BTBD2: variants seen among roughly 807,000 people sequenced by gnomAD.
The protein encoded by BTBD2 is BTB domain containing 2.
In BTBD2, 15 loss-of-function variants were observed where a neutral mutation model predicts 44.0. The ratio of observed to expected loss-of-function variants is 0.34; its 90% CI spans 0.23 to 0.53. The LOEUF (loss-of-function observed/expected upper bound fraction) is 0.53, where lower values mean the gene tolerates loss of function less well. Ranked by LOEUF, BTBD2 falls within the 20% of genes least tolerant of loss-of-function variation. The pLI is 0.95. For synonymous variants in BTBD2, 443 were observed against 335.9 expected, an observed-to-expected ratio of 1.32 and a Z score of -3.49; for missense variants, 657 against 746.4, an observed-to-expected ratio of 0.88 and a Z score of 1.39.
At chr19:1,990,682 C>T in intron 4 of BTBD2, 35 bp downstream of exon 4, 1 of 1,548,442 alleles carries the variant, frequency 6.5e-7, no homozygotes, top group East Asian at 2.4e-5. Context: ...CGAGGCCCCG[C>T]TGGGATTCCC....
At chr19:1,999,968 CAA>C (rs5826753) in intron 1 of BTBD2, among the ~76,000 whole-genome samples, 111 of 104,836 alleles carry the variant, frequency 1.1e-3, no homozygotes, top group African/African-American at 1.9e-3. Context: ...GACTCCACCT[CAA>C]AAAAAAAAAA....
chr19:1,993,036 A>G lies in BTBD2; in HGVS notation c.668T>C (p.Phe223Ser). ...LKKNLRADNAFMLLTQARLFD... is the reference protein window; with the variant it reads ...LKKNLRADNASMLLTQARLFD... ...CCCGCCCACCTGCGTGAGCAGCATG[A>G]AGGCGTTGTCGGCTCGCAGGTTCTT... The change falls in exon 3 of 9, where the codon TTC (phenylalanine) becomes TCC (serine). Residue 223 changes from phenylalanine to serine, a missense_variant. Coordinates refer to ENST00000255608, the MANE Select transcript of BTBD2 (RefSeq NM_017797.4). The G allele has an allele frequency of 1.3e-6, 2 of 1,540,110 alleles. No homozygotes were observed. The highest frequency in any genetic ancestry group is 8.8e-7 in the Non-Finnish European group (1 of 1,140,742).
At chr19:2,010,526 G>A (rs1422486515) in intron 1 of BTBD2, among the ~76,000 whole-genome samples, 1 of 152,162 alleles carries the variant, frequency 6.6e-6, no homozygotes, top group Non-Finnish European at 1.5e-5. Flanking sequence ...CCAGGGACCA[G>A]GCCCAAGCCC....
At chr19:1,989,663 G>A in intron 5 of BTBD2, 1 of 351,392 alleles carries the variant, frequency 2.8e-6, no homozygotes, top group Non-Finnish European at 5.4e-6. Context: ...GGCCATGTCA[G>A]AGCCCTCCTG....
rs753408607 is a variant in BTBD2 at position 1,993,077 on chromosome 19, G to A, written c.627C>T (p.Cys209=). The change falls in exon 3 of 9, where the codon TGC becomes TGT. Residue 209 remains cysteine, a synonymous_variant. Transcript: ENST00000255608. The part of the protein sequence containing the change: ...KYAVPALEAH[C]VEFLKKNLRA... The stretch of plus-strand genomic sequence containing the variant: ...GCAGGTTCTTCTTCAGGAACTCCAC[G>A]CAATGGGCCTCGAGCGCTGGCACCG... 4.4e-6 allele frequency: 7 copies of A among 1,594,942 alleles called. No homozygotes were observed. In the Admixed American group the frequency reaches 1.2e-4, roughly 27 times the overall value.
chr19:1,990,303 G>GCAACTATGGCCCGTGGCC, intron 4 of BTBD2, 102 bp from the exon 5 acceptor site: 1 of 1,346,162 alleles, frequency 7.4e-7, no homozygotes, highest in Non-Finnish European at 1.0e-6. Context: ...AGCCGGGCTG[G>GCAACTATGGCCCGTGGCC]CAACTATGGC....
In BTBD2 at chr19:1,986,332, A is replaced by C; in HGVS notation, c.*156T>G. 1.0e-6 allele frequency: 1 copy of C among 976,144 alleles called. No individual in the cohort carries two copies. The highest frequency in any genetic ancestry group is 1.5e-6 in the Non-Finnish European group (1 of 653,964). The allele number at this position is 976,144 out of a possible 1,614,324, so 60.5% of individuals were successfully genotyped here. ...CCACACTCGTGGTGAACACAGGGCA[A>C]CCCCGTCCTGATGCTGAGAAAGGTG... On this transcript the variant is annotated 3_prime_UTR_variant, in exon 9 of 9. Coordinates refer to ENST00000255608, the MANE Select transcript of BTBD2 (RefSeq NM_017797.4).
chr19:1,999,691 T>C (rs377054754), intron 1 of BTBD2, among the ~76,000 whole-genome samples: 2 of 148,694 alleles, frequency 1.3e-5, no homozygotes, highest in Non-Finnish European at 3.0e-5. Context: ...CCAGGTGCAG[T>C]GGCTCACGCC....
In BTBD2 at chr19:2,015,646, G is replaced by A; in HGVS notation, c.58C>T (p.Pro20Ser). 1.0e-6 allele frequency: 1 copy of A among 996,874 alleles called. No homozygotes were observed. Among genetic ancestry groups the A allele is most frequent in the Non-Finnish European group, 1.2e-6 (1 of 840,062 alleles). The allele number at this position is 996,874 out of a possible 1,614,324, so 61.8% of individuals were successfully genotyped here. Residue 20 changes from proline to serine, a missense_variant, in exon 1 of 9, where the codon CCG becomes TCG. Coordinates refer to ENST00000255608, the MANE Select transcript of BTBD2 (RefSeq NM_017797.4). ...GGCCCGGGACTGCCCCCCGTGCCCG[G>A]GCCGACCCCGACCCCCGGCGGGCAC... ...ASCPPGVGVG[P>S]GTGGSPGPSA...
At chr19:2,003,070 A>C (rs2016350446) in intron 1 of BTBD2, 1 of 152,124 alleles carries the variant, frequency 6.6e-6, no homozygotes, top group African/African-American at 2.4e-5. Flanking sequence ...GAAAGACGCC[A>C]CTTTGGGAGG....
rs1480895868 is a variant in BTBD2 at position 1,990,370 on chromosome 19, AG to A, written c.791-170del. ...TTATAAATAAAGCTTTATCAACACA[AG>A]ACCACGCCCCTTCATTTTCCTCGGC... On this transcript the variant is annotated intron_variant, in intron 4 of 8. Transcript: ENST00000255608. The A allele has an allele frequency of 8.6e-6, 6 of 699,530 alleles. No individual in the cohort carries two copies. In the African/African-American group the frequency reaches 1.1e-4, roughly 13 times the overall value. 43.3% of individuals were successfully genotyped at this position (699,530 alleles called of 1,614,324 possible). A position where few individuals can be genotyped will look rare whatever the true frequency, so the allele number is the denominator to read the frequency against.
chr19:1,997,702 G>C (rs2145633306), intron 1 of BTBD2, among the ~76,000 whole-genome samples: 1 of 152,304 alleles, frequency 6.6e-6, no homozygotes, highest in Non-Finnish European at 1.5e-5. Flanking sequence ...GGCCACACAG[G>C]GCCTCACGCT....
At chr19:1,988,626 G>C (rs980406359) in intron 5 of BTBD2, 2 of 151,078 alleles carry the variant, frequency 1.3e-5, no homozygotes, top group Non-Finnish European at 3.0e-5. Flanking sequence ...AGTGCAGGAC[G>C]GAGTTTCGCT....
rs1344829575 is a variant in BTBD2, at chr19:1,992,983, C to T, written c.684+37G>A. On this transcript the variant is annotated intron_variant, in intron 3 of 8. Transcript: ENST00000255608. ...CACCCCGGCCCCGCCTCCAGCCAGGCCTGGCCCCGCCCCCGCCTCGTACCG... is the reference window on the plus strand; with the variant it reads ...CACCCCGGCCCCGCCTCCAGCCAGGTCTGGCCCCGCCCCCGCCTCGTACCG... The T allele has an allele frequency of 9.9e-6, 12 of 1,212,872 alleles. No homozygotes were observed. In the South Asian group the frequency reaches 1.3e-4, roughly 13 times the overall value. 75.1% of individuals were successfully genotyped at this position (1,212,872 alleles called of 1,614,324 possible).
Position 1,993,076 on chromosome 19 carries a change from C to G in BTBD2, c.628G>C (p.Val210Leu). 1 of 1,607,446 alleles carries G rather than the reference C, an allele frequency of 6.2e-7. No homozygotes were observed. Among genetic ancestry groups the G allele is most frequent in the Non-Finnish European group, 8.5e-7 (1 of 1,179,400 alleles). ...YAVPALEAHC[V>L]EFLKKNLRAD... ...CGCAGGTTCTTCTTCAGGAACTCCACGCAATGGGCCTCGAGCGCTGGCACC... is the reference window on the plus strand; with the variant it reads ...CGCAGGTTCTTCTTCAGGAACTCCAGGCAATGGGCCTCGAGCGCTGGCACC... The change falls in exon 3 of 9, where the codon GTG becomes CTG. Residue 210 changes from valine to leucine, a missense_variant. Physicochemically the swap from Val to Leu is conservative, Grantham distance 32. Around this residue, in one of 3 missense-constraint regions of BTBD2, gnomAD observed 449 missense variants for 510.9 expected, o/e 0.88. Coordinates refer to ENST00000255608, the MANE Select transcript of BTBD2 (RefSeq NM_017797.4).
chr19:2,004,902 A>AC (rs1484486227), intron 1 of BTBD2, among the ~76,000 whole-genome samples: 1 of 149,658 alleles, frequency 6.7e-6, no homozygotes, highest in Non-Finnish European at 1.5e-5. Context: ...GTTCACTGCA[A>AC]CCCGTCTCCC....
chr19:2,013,741 G>C (rs2016496614), intron 1 of BTBD2: 1 of 929,230 alleles, frequency 1.1e-6, no homozygotes, highest in Non-Finnish European at 1.3e-6. Flanking sequence ...AGCATGGTTT[G>C]AAGGTCTCTG....
intron 1 of BTBD2, among the ~76,000 whole-genome samples, chr19:2,000,001 A>AC (rs2016308069): frequency 6.6e-6 from 1 of 151,992 alleles, no homozygotes. Flanking sequence ...AGAAAAAAGA[A>AC]ACAGAGTGGG....
chr19:1,997,241 C>T (rs1371193338), intron 2 of BTBD2, 103 bp downstream of exon 2: 2 of 1,530,746 alleles, frequency 1.3e-6, no homozygotes, highest in Non-Finnish European at 1.8e-6. Flanking sequence ...TAGAAATCTC[C>T]ACCAAGCCAG....
Sources: allele counts gnomAD v4.1 joint callset (sites outside exome capture counted in the v4.1 genomes callset), GRCh38; gene constraint gnomAD v4.1.1; regional missense constraint gnomAD v4.1.1; transcripts MANE v1.5; gene names NCBI Gene and HGNC (gene_info 2026-07-23, HGNC 2026-07-21).